Variants in RAB21 observed in about 807,000 individuals in gnomAD.
The protein encoded by RAB21 is RAB21, member RAS oncogene family.
In RAB21, 13 loss-of-function variants were observed where a neutral mutation model predicts 33.1. The observed-to-expected ratio is 0.39, with a 90% confidence interval of 0.26 to 0.62. The LOEUF is 0.62. Ranked by LOEUF, RAB21 falls within the 20% of genes least tolerant of loss-of-function variation. RAB21 has a pLI of 0.48. For synonymous variants in RAB21, 91 were observed against 103.7 expected, an observed-to-expected ratio of 0.88 and a Z score of 0.74; for missense variants, 234 against 279.1, an observed-to-expected ratio of 0.84 and a Z score of 1.15.
intron 4 of RAB21, among the ~76,000 whole-genome samples, chr12:71,781,085 T>C (rs1883191593): frequency 6.6e-6 from 1 of 152,190 alleles, no homozygotes; most frequent in Non-Finnish European, 1.5e-5. Context: ...GGTTCTGTTG[T>C]TTAAGGAGAG....
At position 71,800,153 on chromosome 12, in the gene RAB21, AAC is replaced by A. The variant is rs1354143847; in HGVS notation, c.*14484_*14485del. On this transcript the variant is annotated 3_prime_UTR_variant, in exon 7 of 7. Coordinates refer to ENST00000261263, the MANE Select transcript of RAB21 (RefSeq NM_014999.4). ...AACCACCATCACAGTGAAGATAATTAACACATCCATCATTCCACAAAATTTCC... is the reference window on the plus strand; with the variant it reads ...AACCACCATCACAGTGAAGATAATTAACATCCATCATTCCACAAAATTTCC... The A allele has an allele frequency of 6.6e-6, 1 of 152,196 alleles. No homozygotes were observed. Among genetic ancestry groups the A allele is most frequent in the East Asian group, 1.9e-4 (1 of 5,192 alleles). 9.4% of individuals were successfully genotyped at this position (152,196 alleles called of 1,614,324 possible). A position where few individuals can be genotyped will look rare whatever the true frequency, so the allele number is the denominator to read the frequency against.
chr12:71,766,406 C>T (rs746613345), intron 1 of RAB21, among the ~76,000 whole-genome samples: 8 of 152,094 alleles, frequency 5.3e-5, no homozygotes, highest in Non-Finnish European at 1.2e-4. Flanking sequence ...GATATTTACC[C>T]TCCTTATGCC....
intron 1 of RAB21, among the ~76,000 whole-genome samples, chr12:71,766,081 C>T (rs1291055689): frequency 3.9e-5 from 6 of 151,988 alleles, no homozygotes; most frequent in Non-Finnish European, 8.8e-5. Flanking sequence ...TTTACTAGTG[C>T]ATCATATATA....
At position 71,798,872 on chromosome 12, in the gene RAB21, A is replaced by T. The variant is rs1227792870; in HGVS notation, c.*13199A>T. ...AAGTTGCAGAGGCTGAGAAATTATT[A>T]AACTGTTACCCAGAACTTTTTATGC... On this transcript the variant is annotated 3_prime_UTR_variant, in exon 7 of 7. Coordinates refer to ENST00000261263, the MANE Select transcript of RAB21 (RefSeq NM_014999.4). The T allele has an allele frequency of 6.6e-6, 1 of 152,038 alleles. No homozygotes were observed. The highest frequency in any genetic ancestry group is 6.6e-5 in the Admixed American group (1 of 15,244). The allele number at this position is 152,038 out of a possible 1,614,324, so 9.4% of individuals were successfully genotyped here.
chr12:71,758,312 T>G (rs996225281), intron 1 of RAB21, among the ~76,000 whole-genome samples: 4 of 151,996 alleles, frequency 2.6e-5, no homozygotes, highest in Non-Finnish European at 5.9e-5. Flanking sequence ...GGATTACAGG[T>G]GTGAGCCACC....
chr12:71,783,265 T>G (rs1232446094), intron 6 of RAB21, among the ~76,000 whole-genome samples: 1 of 152,026 alleles, frequency 6.6e-6, no homozygotes, highest in African/African-American at 2.4e-5. Context: ...TTCTACTTTA[T>G]GTTTGAAATT....
At chr12:71,778,598 T>TA (rs1361144414) in intron 4 of RAB21, among the ~76,000 whole-genome samples, 5 of 152,286 alleles carry the variant, frequency 3.3e-5, no homozygotes, top group South Asian at 2.1e-4. Flanking sequence ...GGGAATAGTG[T>TA]AGTGAATAAG....
chr12:71,765,940 A>AT (rs1171351831), intron 1 of RAB21, among the ~76,000 whole-genome samples: 1 of 152,110 alleles, frequency 6.6e-6, no homozygotes, highest in Non-Finnish European at 1.5e-5. Context: ...GAAAATGTCT[A>AT]TAAAATATTA....
At chr12:71,776,560 A>G (rs1395607562) in intron 4 of RAB21, among the ~76,000 whole-genome samples, 1 of 152,030 alleles carries the variant, frequency 6.6e-6, no homozygotes, top group African/African-American at 2.4e-5. Context: ...AATATTATAT[A>G]ATGTTTATTA....
At chr12:71,766,154 T>C (rs574941983) in intron 1 of RAB21, among the ~76,000 whole-genome samples, 3 of 152,270 alleles carry the variant, frequency 2.0e-5, no homozygotes, top group East Asian at 1.9e-4. Flanking sequence ...AATTGAGTTA[T>C]ACCTGCATTG....
Position 71,791,641 on chromosome 12 carries a change from G to A in RAB21, c.*5968G>A, listed in dbSNP as rs1017874555. The A allele has an allele frequency of 6.6e-6, 1 of 152,118 alleles. No individual in the cohort carries two copies. The highest frequency in any genetic ancestry group is 1.5e-5 in the Non-Finnish European group (1 of 68,020). 9.4% of individuals were successfully genotyped at this position (152,118 alleles called of 1,614,324 possible). A position where few individuals can be genotyped will look rare whatever the true frequency, so the allele number is the denominator to read the frequency against. On this transcript the variant is annotated 3_prime_UTR_variant, in exon 7 of 7. Transcript: ENST00000261263. ...GTATTTGATCTGTGCCTTTAATATAGAGTAAAAACAAAAGTTCCTTTTTAG... is the reference window on the plus strand; with the variant it reads ...GTATTTGATCTGTGCCTTTAATATAAAGTAAAAACAAAAGTTCCTTTTTAG...
At chr12:71,780,603 A>G (rs1883183710) in intron 4 of RAB21, among the ~76,000 whole-genome samples, 1 of 152,238 alleles carries the variant, frequency 6.6e-6, no homozygotes, top group South Asian at 2.1e-4. Context: ...GTTGGTATCC[A>G]CTGAGCTTTA....
At chr12:71,768,679 C>G (rs965137571) in intron 1 of RAB21, among the ~76,000 whole-genome samples, 1 of 152,098 alleles carries the variant, frequency 6.6e-6, no homozygotes, top group Non-Finnish European at 1.5e-5. Flanking sequence ...TGCTTGAAAC[C>G]ATTCAGTGAT....
chr12:71,757,862 G>A (rs1299759708), intron 1 of RAB21, among the ~76,000 whole-genome samples: 5 of 152,064 alleles, frequency 3.3e-5, no homozygotes, highest in African/African-American at 1.2e-4. Context: ...AGAATTGCAG[G>A]ATTGACAGGA....
At chr12:71,757,640 T>C (rs1882805021) in intron 1 of RAB21, among the ~76,000 whole-genome samples, 1 of 152,262 alleles carries the variant, frequency 6.6e-6, no homozygotes, top group Non-Finnish European at 1.5e-5. Context: ...CTTTCAGAGA[T>C]ACCAGTTAAC....
At position 71,798,370 on chromosome 12, in the gene RAB21, G is replaced by C. The variant is rs1230002225; in HGVS notation, c.*12697G>C. 2.0e-5 allele frequency: 3 copies of C among 151,892 alleles called. No individual in the cohort carries two copies. Among genetic ancestry groups the C allele is most frequent in the Non-Finnish European group, 4.4e-5 (3 of 67,992 alleles). The allele number at this position is 151,892 out of a possible 1,614,324, so 9.4% of individuals were successfully genotyped here. On this transcript the variant is annotated 3_prime_UTR_variant, in exon 7 of 7. Coordinates refer to ENST00000261263, the MANE Select transcript of RAB21 (RefSeq NM_014999.4). ...AAAGTGCTGGGATTATAGGTGTGAG[G>C]CACCATGCCCAACATATAACAATAA... is the stretch of plus-strand genomic sequence containing the variant.
intron 1 of RAB21, among the ~76,000 whole-genome samples, chr12:71,761,927 G>T (rs1225778939): frequency 6.6e-6 from 1 of 152,084 alleles, no homozygotes; most frequent in Non-Finnish European, 1.5e-5. Flanking sequence ...AGAATATTTT[G>T]AGTGTTCAAA....
In RAB21 at chr12:71,788,382, G is replaced by C. The variant is rs903814040; in HGVS notation, c.*2709G>C. 1.3e-5 allele frequency: 2 copies of C among 151,880 alleles called. No individual in the cohort carries two copies. The highest frequency in any genetic ancestry group is 2.4e-5 in the African/African-American group (1 of 41,398). 9.4% of individuals were successfully genotyped at this position (151,880 alleles called of 1,614,324 possible). On this transcript the variant is annotated 3_prime_UTR_variant, in exon 7 of 7. Transcript: ENST00000261263. ...TCTTTATCCTTTTTAGTGGGGGCCT[G>C]TAATTGAGGCTAATTCAATAGCAAC...
At chr12:71,768,260 T>A (rs952321273) in intron 1 of RAB21, among the ~76,000 whole-genome samples, 66 of 152,144 alleles carry the variant, frequency 4.3e-4, no homozygotes, top group Non-Finnish European at 1.0e-4. Flanking sequence ...TAGTTCTAAT[T>A]TTCTGTGGTG....
Sources: gnomAD v4.1 joint callset for allele counts (sites outside exome capture counted in the v4.1 genomes callset) on GRCh38, gnomAD v4.1.1 for gene constraint, MANE v1.5 for transcripts, NCBI Gene and HGNC (gene_info 2026-07-23, HGNC 2026-07-21) for gene names.